ERCC6: variants seen among roughly 807,000 people sequenced by gnomAD.
ERCC6 encodes DNA excision repair protein ERCC-6.
In ERCC6, 116 loss-of-function variants were observed where a neutral mutation model predicts 158.7. The ratio of observed to expected loss-of-function variants is 0.73; its 90% CI spans 0.63 to 0.85. The LOEUF is 0.85. Ranked by LOEUF, ERCC6 falls within the 40% of genes least tolerant of loss-of-function variation. The probability of loss-of-function intolerance (pLI) is 0.00; values close to 1 mark genes in which losing one functional copy is unlikely to be tolerated. For missense variants in ERCC6, 1,698 were observed against 1,799.4 expected (o/e 0.94, Z 1.02); for synonymous variants, 678 against 659.3 (o/e 1.03, Z -0.43).
Position 49,470,854 on chromosome 10 carries a change from G to C in ERCC6, c.3106C>G (p.Leu1036Val). The C allele has an allele frequency of 6.2e-7, 1 of 1,614,004 alleles. No homozygotes were observed. Among genetic ancestry groups the C allele is most frequent in the Non-Finnish European group, 8.5e-7 (1 of 1,179,966 alleles). The change falls in exon 18 of 21, where the codon CTA becomes GTA. Residue 1036 changes from leucine to valine, a missense_variant. Physicochemically the swap from Leu to Val is conservative, Grantham distance 32. Transcript: ENST00000355832. ...AAGGCTGGTTGAATCCTTCTTTTTA[G>C]ATGGCATTTGGGTGTCTGAACATCT... ...GSDVQTPKCH[L>V]KRRIQPAFGA...
chr10:49,440,623 A>C, the ERCC6 span, among the ~76,000 whole-genome samples: 1 of 152,252 alleles, frequency 6.6e-6, no homozygotes, highest in African/African-American at 2.4e-5. Flanking sequence ...TATCTTGGTA[A>C]CTGTTAAACC....
intron 5 of ERCC6, among the ~76,000 whole-genome samples, chr10:49,518,817 T>C (rs1231711329): frequency 3.3e-5 from 5 of 152,162 alleles, no homozygotes. Flanking sequence ...TCGCAGGAGA[T>C]TATGTCTCAC....
Position 49,473,578 on chromosome 10 carries a change from T to C in ERCC6, c.2608A>G (p.Ile870Val). ...LFSQSRQMLDILEVFLRAQKY... is the reference protein window; with the variant it reads ...LFSQSRQMLDVLEVFLRAQKY... ...TGGGCTCTAAGGAATACTTCAAGTA[T>C]GTCCAGCATCTGTTTGGAGGTGGGG... Residue 870 changes from isoleucine (I) to valine (V), a missense_variant, in exon 14 of 21, where the codon ATA becomes GTA. Transcript: ENST00000355832. 1 of 1,597,520 alleles carries C rather than the reference T, an allele frequency of 6.3e-7. No individual in the cohort carries two copies. Among genetic ancestry groups the C allele is most frequent in the Non-Finnish European group, 8.6e-7 (1 of 1,164,820 alleles).
At chr10:49,475,971 C>A (rs948964120) in intron 12 of ERCC6, among the ~76,000 whole-genome samples, 1 of 152,200 alleles carries the variant, frequency 6.6e-6, no homozygotes, top group Non-Finnish European at 1.5e-5. Flanking sequence ...GCTGCATTTG[C>A]GTCTGGGTTC....
At chr10:49,472,623 A>T in intron 15 of ERCC6, 153 bp from the exon 16 acceptor site, 1 of 826,700 alleles carries the variant, frequency 1.2e-6, no homozygotes, top group Non-Finnish European at 2.0e-6. Flanking sequence ...ACTCAGGAAG[A>T]TGAACAGCCA....
rs1837453358 is a variant in ERCC6 at position 49,530,854 on chromosome 10, TA to T, written c.423-15del. On this transcript the variant is annotated splice_polypyrimidine_tract_variant and intron_variant, in intron 2 of 20. Transcript: ENST00000355832. ...GTCGTACATGACCTGAAAAATAAGATAAATTGTCTATTTTGCACTCTGATAA... is the reference window on the plus strand; with the variant it reads ...GTCGTACATGACCTGAAAAATAAGATAATTGTCTATTTTGCACTCTGATAA... The T allele has an allele frequency of 1.2e-6, 2 of 1,612,350 alleles. No homozygotes were observed. The highest frequency in any genetic ancestry group is 4.5e-5 in the East Asian group (2 of 44,794).
At chr10:49,484,278 C>CAAA (rs60365716) in intron 8 of ERCC6, among the ~76,000 whole-genome samples, 1 of 96,078 alleles carries the variant, frequency 1.0e-5, no homozygotes, top group Non-Finnish European at 2.0e-5. Flanking sequence ...GACTCTGCCT[C>CAAA]AAAAAAAAAA....
chr10:49,492,289 C>T (rs4253138), intron 8 of ERCC6, among the ~76,000 whole-genome samples: 15,689 of 152,082 alleles, frequency 0.1, 1,178 homozygotes, highest in East Asian at 0.39. Context: ...TCCTGGGCCC[C>T]GAGAACGAAC....
At chr10:49,490,032 GAAATATAATCAGA>G (rs1851145377) in intron 8 of ERCC6, among the ~76,000 whole-genome samples, 1 of 152,018 alleles carries the variant, frequency 6.6e-6, no homozygotes, top group Non-Finnish European at 1.5e-5. Flanking sequence ...AAAGGATCAC[GAAATATAATCAGA>G]AAAAGGAAAT....
intron 6 of ERCC6, chr10:49,502,038 C>A (rs1483202782): frequency 6.6e-6 from 1 of 151,992 alleles, no homozygotes; most frequent in Admixed American, 6.6e-5. Context: ...GGCTACCCAC[C>A]TTAAAAGAAG....
Position 49,458,825 on chromosome 10 carries a change from T to C in ERCC6, c.4472A>G (p.Glu1491Gly). The change falls in exon 21 of 21, where the codon GAA becomes GGA. Residue 1491 changes from glutamate to glycine, a missense_variant. Coordinates refer to ENST00000355832, the MANE Select transcript of ERCC6 (RefSeq NM_000124.4). ...AGGAAGCAATGTTGTTTAGCAGTAT[T>C]CTGGCTTGAGTTTCCAAATTCCTTC... ...GGEGIWKLKP[E>G]YC 6.2e-7 allele frequency: 1 copy of C among 1,614,190 alleles called. No homozygotes were observed. Among genetic ancestry groups the C allele is most frequent in the South Asian group, 1.1e-5 (1 of 91,078 alleles).
At chr10:49,508,565 T>C (rs1400310070) in intron 5 of ERCC6, among the ~76,000 whole-genome samples, 5 of 152,146 alleles carry the variant, frequency 3.3e-5, no homozygotes, top group African/African-American at 9.7e-5. Flanking sequence ...TGACTAAAAG[T>C]GGTGGGGAAA....
intron 8 of ERCC6, among the ~76,000 whole-genome samples, chr10:49,490,063 T>G (rs907985857): frequency 6.6e-5 from 10 of 152,236 alleles, no homozygotes; most frequent in African/African-American, 2.4e-4. Context: ...AATCTTGAAC[T>G]TTTATTAAAT....
chr10:49,500,783 AT>A lies in ERCC6; in HGVS notation c.1527-88del, dbSNP rs1851343849. 3 of 1,444,412 alleles carry A rather than the reference AT, an allele frequency of 2.1e-6. No individual in the cohort carries two copies. In the Admixed American group the frequency reaches 5.2e-5, roughly 25 times the overall value. The allele number at this position is 1,444,412 out of a possible 1,614,324, so 89.5% of individuals were successfully genotyped here. On this transcript the variant is annotated intron_variant, in intron 6 of 20. Transcript: ENST00000355832. ...AACAGAAAGTACTCATGAATTAATC[AT>A]TTGGCTAGGTTCTAGTACCAGTCAG...
intron 7 of ERCC6, among the ~76,000 whole-genome samples, chr10:49,499,046 T>C (rs1194587689): frequency 1.3e-5 from 2 of 152,142 alleles, no homozygotes. Context: ...AAAAAGCATA[T>C]TAAAAAAATT....
the ERCC6 span, among the ~76,000 whole-genome samples, chr10:49,436,760 A>G: frequency 1.3e-5 from 2 of 152,216 alleles, no homozygotes; most frequent in Admixed American, 1.3e-4. Context: ...ACTCATGTGT[A>G]CCGGGAGGCA....
At position 49,524,199 on chromosome 10, in the gene ERCC6, C is replaced by G; in HGVS notation, c.1231G>C (p.Gly411Arg). ...DYELKPLPKGGKRQKKVPVQE... is the reference protein window; with the variant it reads ...DYELKPLPKGRKRQKKVPVQE... ...ACTGGCACTTTCTTCTGCCGTTTCCCGCCCTTGGGCAGAGGCTTCAGCTCA... is the reference window on the plus strand; with the variant it reads ...ACTGGCACTTTCTTCTGCCGTTTCCGGCCCTTGGGCAGAGGCTTCAGCTCA... Residue 411 changes from glycine to arginine, a missense_variant, in exon 5 of 21, where the codon GGG becomes CGG. Physicochemically the swap from Gly to Arg is moderately radical, Grantham distance 125. Coordinates refer to ENST00000355832, the MANE Select transcript of ERCC6 (RefSeq NM_000124.4). 6.2e-7 allele frequency: 1 copy of G among 1,614,156 alleles called. No individual in the cohort carries two copies. The highest frequency in any genetic ancestry group is 8.5e-7 in the Non-Finnish European group (1 of 1,180,034).
chr10:49,483,594 C>T lies in ERCC6; in HGVS notation c.1822-78G>A, dbSNP rs1590418462. The T allele has an allele frequency of 5.7e-6, 8 of 1,413,088 alleles. No homozygotes were observed. In the East Asian group the frequency reaches 1.6e-4, roughly 28 times the overall value. The allele number at this position is 1,413,088 out of a possible 1,614,324, so 87.5% of individuals were successfully genotyped here. A position where few individuals can be genotyped will look rare whatever the true frequency, so the allele number is the denominator to read the frequency against. On this transcript the variant is annotated intron_variant, in intron 8 of 20. Coordinates refer to ENST00000355832, the MANE Select transcript of ERCC6 (RefSeq NM_000124.4). ...TTCAATCATGACACAATCTAAAGTACTTTATAAAAATGCACAAATACAAAC... is the reference window on the plus strand; with the variant it reads ...TTCAATCATGACACAATCTAAAGTATTTTATAAAAATGCACAAATACAAAC...
chr10:49,477,003 C>G (rs1172427544), intron 11 of ERCC6, among the ~76,000 whole-genome samples: 1 of 152,118 alleles, frequency 6.6e-6, no homozygotes, highest in Admixed American at 6.5e-5. Context: ...AGTGCCGGTG[C>G]TGCTGGAGAA....
Sources: gnomAD v4.1 joint callset for allele counts (sites outside exome capture counted in the v4.1 genomes callset) on GRCh38, gnomAD v4.1.1 for gene constraint, MANE v1.5 for transcripts, NCBI Gene and HGNC (gene_info 2026-07-23, HGNC 2026-07-21) for gene names.